Variants in HADHA observed in about 807,000 individuals in gnomAD.
The protein encoded by HADHA is trifunctional enzyme subunit alpha, mitochondrial.
HADHA carries 59 observed loss-of-function variants against 91.3 expected under a neutral mutation model. The observed-to-expected ratio is 0.65, with a 90% CI of 0.52 to 0.80. The LOEUF (loss-of-function observed/expected upper bound fraction) is 0.80. Among genes scored for constraint, HADHA ranks in the 30% least tolerant of loss-of-function variants. The pLI, the probability that HADHA is intolerant of heterozygous loss-of-function variation, is 0.00. For missense variants in HADHA, 800 were observed against 927.6 expected, an observed-to-expected ratio of 0.86 and a Z score of 1.79; for synonymous variants, 320 against 338.9, an observed-to-expected ratio of 0.94 and a Z score of 0.61.
At chr2:26,201,083 A>T (rs1272316124) in intron 13 of HADHA, 66 bp downstream of exon 13, 6 of 987,112 alleles carry the variant, frequency 6.1e-6, no homozygotes, top group Non-Finnish European at 9.2e-6. Flanking sequence ...TAGCTCCTTT[A>T]AAAAAAAAAT....
rs202034466 is a variant in HADHA, at chr2:26,230,283, A to G, written c.585T>C (p.Pro195=). The change falls in exon 7 of 20, where the codon CCT becomes CCC. Residue 195 remains proline, a synonymous_variant. Transcript: ENST00000380649. The part of the protein sequence containing the change: ...TQRLPKMVGV[P]AALDMMLTGR... ...CAGTCAGCATCATGTCCAAAGCAGC[A>G]GGCACACCCACCTAACAGGCAAGCA... 6.2e-7 allele frequency: 1 copy of G among 1,611,066 alleles called. No homozygotes were observed.
intron 7 of HADHA, among the ~76,000 whole-genome samples, chr2:26,219,567 T>G (rs901421016): frequency 3.9e-5 from 6 of 152,228 alleles, no homozygotes; most frequent in Admixed American, 1.3e-4. Context: ...CCAGCATCTT[T>G]GCTCTGTGGT....
intron 12 of HADHA, among the ~76,000 whole-genome samples, chr2:26,201,683 A>T (rs577224662): frequency 6.6e-6 from 1 of 152,368 alleles, no homozygotes; most frequent in African/African-American, 2.4e-5. Context: ...AGTTCTGGTA[A>T]TTCTCTACCT....
chr2:26,228,578 G>C (rs960467213), intron 7 of HADHA, among the ~76,000 whole-genome samples: 2 of 152,138 alleles, frequency 1.3e-5, no homozygotes, highest in Non-Finnish European at 2.9e-5. Flanking sequence ...TCAGCAATAA[G>C]GACAAACTGC....
chr2:26,209,699 A>C, intron 11 of HADHA, 81 bp downstream of exon 11: 1 of 802,778 alleles, frequency 1.2e-6, no homozygotes, highest in Non-Finnish European at 2.3e-6. Context: ...ATACAGATCT[A>C]GCTCTGTAGA....
At chr2:26,209,719 C>T (rs1670049066) in intron 11 of HADHA, 61 bp downstream of exon 11, 1 of 844,100 alleles carries the variant, frequency 1.2e-6, no homozygotes. Context: ...ATCTTCAAAG[C>T]CTCTGTGAAC....
Position 26,193,624 on chromosome 2 carries a change from C to T in HADHA, c.1838G>A (p.Gly613Asp). The T allele has an allele frequency of 6.2e-7, 1 of 1,614,076 alleles. No individual in the cohort carries two copies. Among genetic ancestry groups the T allele is most frequent in the Non-Finnish European group, 8.5e-7 (1 of 1,179,972 alleles). Residue 613 changes from glycine (G) to aspartate (D), a missense_variant, in exon 17 of 20, where the codon GGT becomes GAT. Transcript: ENST00000380649. The part of the protein sequence containing the change: ...LGKVFGERFG[G>D]GNPELLTQMV... ...CTGTGTCAGCAGTTCTGGGTTTCCA[C>T]CTCCAAACCGCTCCCCAAAGACTTT...
At chr2:26,243,399 A>AT (rs2147788492) in intron 1 of HADHA, 1 of 146,310 alleles carries the variant, frequency 6.8e-6, no homozygotes, top group African/African-American at 2.4e-5. Flanking sequence ...ACAATGGGTG[A>AT]TTCGTTTTTT....
At chr2:26,217,173 A>G (rs1670241957) in intron 7 of HADHA, among the ~76,000 whole-genome samples, 1 of 151,426 alleles carries the variant, frequency 6.6e-6, no homozygotes, top group African/African-American at 2.4e-5. Context: ...ACTCGGCAAG[A>G]CCCCGTCTGA....
In HADHA at chr2:26,220,437, T is replaced by C. The variant is rs1239930337; in HGVS notation, c.677-5262A>G. On this transcript the variant is annotated intron_variant, in intron 7 of 19. Transcript: ENST00000380649. ...ACAATCCTGGAGGGACTGCAGAGAT[T>C]AGTGTCACCATCAAGGACTGAAAGC... 2.6e-5 allele frequency among the ~76,000 whole-genome samples: 4 copies of C among 152,336 alleles called. No individual in the cohort carries two copies. In the East Asian group the frequency reaches 7.7e-4, roughly 29 times the overall value.
chr2:26,191,456 G>A, intron 19 of HADHA, 27 bp downstream of exon 19: 1 of 1,614,172 alleles, frequency 6.2e-7, no homozygotes, highest in Non-Finnish European at 8.5e-7. Flanking sequence ...GCTAAAGTGA[G>A]CTTCCTTCCC....
intron 7 of HADHA, among the ~76,000 whole-genome samples, chr2:26,228,609 A>G (rs573892799): frequency 4.1e-4 from 63 of 152,334 alleles, no homozygotes; most frequent in South Asian, 8.3e-4. Context: ...AACAGTATGG[A>G]TGCATCTCAA....
At chr2:26,194,542 C>T (rs766223900) in intron 16 of HADHA, 28 bp downstream of exon 16, 25 of 1,442,228 alleles carry the variant, frequency 1.7e-5, no homozygotes, top group Middle Eastern at 1.7e-4. Context: ...TGGAAGATGC[C>T]GCAAACACTC....
In HADHA at chr2:26,214,923, C is replaced by T. The variant is rs1472993130; in HGVS notation, c.799+130G>A. ...GTAAAGTTGAGGAGTTGTTACATCT[C>T]CTACCTAAGGCTGACTTTATGCTTT... is the stretch of plus-strand genomic sequence containing the variant. On this transcript the variant is annotated intron_variant, in intron 8 of 19. Transcript: ENST00000380649. This position sits in a 1 kb window ranked among gnomAD's most constrained non-coding sequence, Gnocchi z 4.1. 3 of 916,350 alleles carry T rather than the reference C, an allele frequency of 3.3e-6. No individual in the cohort carries two copies. Among genetic ancestry groups the T allele is most frequent in the African/African-American group, 3.2e-5 (2 of 61,726 alleles). The allele number at this position is 916,350 out of a possible 1,614,324, so 56.8% of individuals were successfully genotyped here. A position where few individuals can be genotyped will look rare whatever the true frequency, so the allele number is the denominator to read the frequency against.
At chr2:26,226,408 C>T (rs1349342684) in intron 7 of HADHA, among the ~76,000 whole-genome samples, 1 of 152,096 alleles carries the variant, frequency 6.6e-6, no homozygotes, top group Non-Finnish European at 1.5e-5. Flanking sequence ...AGGACTCATA[C>T]TGCTTAATTT....
chr2:26,205,567 C>A (rs902442260), intron 11 of HADHA, among the ~76,000 whole-genome samples: 1 of 152,186 alleles, frequency 6.6e-6, no homozygotes, highest in Non-Finnish European at 1.5e-5. Context: ...CGCCTGTAAT[C>A]CCAGCTCTTT....
chr2:26,195,018 A>G (rs576972235), intron 15 of HADHA, 74 bp downstream of exon 15: 157 of 1,235,376 alleles, frequency 1.3e-4, no homozygotes, highest in Non-Finnish European at 1.7e-4. Flanking sequence ...AATATTTATA[A>G]ACAAGCCTGG....
Position 26,221,056 on chromosome 2 carries a change from G to A in HADHA, c.677-5881C>T, listed in dbSNP as rs981395195. On this transcript the variant is annotated intron_variant, in intron 7 of 19. Coordinates refer to ENST00000380649, the MANE Select transcript of HADHA (RefSeq NM_000182.5). The surrounding 1 kb of genome is among the most constrained non-coding windows in gnomAD (Gnocchi z 4.8). ...CTATGGCAAAGGGTAAGTGTTGCAC[G>A]TGGCCCCTCCTACCACAAAAAAACA... 1.3e-5 allele frequency among the ~76,000 whole-genome samples: 2 copies of A among 152,154 alleles called. No individual in the cohort carries two copies. Among genetic ancestry groups the A allele is most frequent in the African/African-American group, 4.8e-5 (2 of 41,412 alleles).
intron 7 of HADHA, among the ~76,000 whole-genome samples, chr2:26,225,661 A>T (rs185556964): frequency 8.9e-4 from 136 of 152,318 alleles, no homozygotes; most frequent in African/African-American, 3.0e-3. Context: ...TTATCTCTGT[A>T]GATGGAGAAA....
Sources: gnomAD v4.1 joint callset for allele counts (sites outside exome capture counted in the v4.1 genomes callset) on GRCh38, gnomAD v4.1.1 for gene constraint, Gnocchi (gnomAD v3.1) non-coding constraint, MANE v1.5 for transcripts, NCBI Gene and HGNC (gene_info 2026-07-23, HGNC 2026-07-21) for gene names.